Variants in CRACR2A observed in about 807,000 individuals in gnomAD.
The protein encoded by CRACR2A is calcium release activated channel regulator 2A, also known as EF-hand calcium-binding domain-containing protein 4B.
In CRACR2A, 79 loss-of-function variants were observed where a neutral mutation model predicts 90.5. The observed-to-expected ratio is 0.87, with a 90% confidence interval of 0.73 to 1.05. The LOEUF is 1.05. CRACR2A is among the 50% of genes least tolerant of loss of function. The pLI is 0.00. For missense variants in CRACR2A, 823 were observed against 897.2 expected (o/e 0.92, Z 1.06); for synonymous variants, 338 against 356.7 (o/e 0.95, Z 0.59).
At chr12:3,627,843 C>G in intron 15 of CRACR2A, 137 bp from the exon 16 acceptor site, 1 of 842,826 alleles carries the variant, frequency 1.2e-6, no homozygotes, top group South Asian at 1.6e-5. Context: ...TCGTGGGAGG[C>G]AAAATGGAGA....
At chr12:3,648,324 G>A (rs1944727734) in intron 11 of CRACR2A, 3 of 1,460,336 alleles carry the variant, frequency 2.1e-6, no homozygotes, top group Non-Finnish European at 1.8e-6. Context: ...CCCACCAGGA[G>A]GAATAAACTG....
chr12:3,740,997 CCTT>C (rs1200108541), intron 1 of CRACR2A, among the ~76,000 whole-genome samples: 3 of 152,226 alleles, frequency 2.0e-5, no homozygotes, highest in Non-Finnish European at 2.9e-5. Context: ...CACCCACCCT[CCTT>C]CTTCCTTTCT....
In CRACR2A at chr12:3,629,695, T is replaced by C. The variant is rs1944343782; in HGVS notation, c.1736-1989A>G. Reference sequence around the variant, plus strand: ...GCAGGGAGTGAGATGGGCAAAAGAGTGTGCTGGAAAAATGTTCTGTGCTGT... The same window carrying C: ...GCAGGGAGTGAGATGGGCAAAAGAGCGTGCTGGAAAAATGTTCTGTGCTGT... On this transcript the variant is annotated intron_variant, in intron 15 of 19. Coordinates refer to ENST00000440314, the MANE Select transcript of CRACR2A (RefSeq NM_001144958.2). Among the ~76,000 whole-genome samples the C allele has an allele frequency of 1.3e-5, 2 of 151,440 alleles. 1 individual carries two copies. The highest frequency in any genetic ancestry group is 4.2e-4 in the South Asian group (2 of 4,778).
chr12:3,716,676 T>C (rs1946088086), intron 2 of CRACR2A, among the ~76,000 whole-genome samples: 1 of 152,242 alleles, frequency 6.6e-6, no homozygotes, highest in Non-Finnish European at 1.5e-5. Flanking sequence ...ATGCTGATTT[T>C]TGGGGGGCAT....
chr12:3,626,817 T>C (rs1944271381), intron 17 of CRACR2A, among the ~76,000 whole-genome samples: 1 of 152,104 alleles, frequency 6.6e-6, no homozygotes, highest in Non-Finnish European at 1.5e-5. Flanking sequence ...ATCATAAACA[T>C]AGAGTCTCCC....
At chr12:3,716,821 T>C (rs1380433513) in intron 2 of CRACR2A, among the ~76,000 whole-genome samples, 1 of 152,244 alleles carries the variant, frequency 6.6e-6, no homozygotes, top group African/African-American at 2.4e-5. Context: ...CTTTTCAAAC[T>C]GATGTCTTTT....
chr12:3,728,464 T>G (rs1424890361), intron 2 of CRACR2A: 1 of 152,158 alleles, frequency 6.6e-6, no homozygotes, highest in Non-Finnish European at 1.5e-5. Flanking sequence ...AAACAGCACA[T>G]TACAAATCCA....
chr12:3,654,399 G>T lies in CRACR2A; in HGVS notation c.859C>A (p.Leu287Met). ...TGCAGGGCTGTGCACTGACCTTCCA[G>T]CTGCAAAGGAATGGGGAGCAGAGGG... is the stretch of plus-strand genomic sequence containing the variant. ...LEQLTQKQKR[L>M]EGQCTALHHD... The change falls in exon 10 of 20, where the codon CTG (leucine) becomes ATG (methionine). Residue 287 changes from leucine (L) to methionine (M), a missense_variant and splice_region_variant. Physicochemically the swap from Leu to Met is conservative, Grantham distance 15. Coordinates refer to ENST00000440314, the MANE Select transcript of CRACR2A (RefSeq NM_001144958.2). 6.3e-7 allele frequency: 1 copy of T among 1,581,356 alleles called. No individual in the cohort carries two copies. Among genetic ancestry groups the T allele is most frequent in the Non-Finnish European group, 8.6e-7 (1 of 1,165,516 alleles).
intron 17 of CRACR2A, among the ~76,000 whole-genome samples, chr12:3,621,555 G>A (rs918663596): frequency 4.1e-5 from 6 of 147,524 alleles, no homozygotes; most frequent in Non-Finnish European, 7.4e-5. Context: ...GGGAGGCTGA[G>A]GCAGAGAATT....
At chr12:3,648,025 CTCAT>C in intron 11 of CRACR2A, 3 of 986,350 alleles carry the variant, frequency 3.0e-6, no homozygotes, top group Non-Finnish European at 3.6e-6. Flanking sequence ...GATTCATTTA[CTCAT>C]TCAACAAACA....
rs1945289208 is a variant in CRACR2A, at chr12:3,673,511, G to A, written c.606C>T (p.Thr202=). The change falls in exon 7 of 20, where the codon ACC becomes ACT. Residue 202 remains threonine, a synonymous_variant. Coordinates refer to ENST00000440314, the MANE Select transcript of CRACR2A (RefSeq NM_001144958.2). ...CTTCTTGGAGCTGGGAGATGATTCT[G>A]GTCAGGAAGTCTTCAAAGTTGGACA... ...HLLSNFEDFL[T]RIISQLQEAH... 2 of 1,613,992 alleles carry A rather than the reference G, an allele frequency of 1.2e-6. No individual in the cohort carries two copies. The highest frequency in any genetic ancestry group is 1.7e-5 in the Admixed American group (1 of 60,002).
chr12:3,674,863 T>A (rs1008827606), intron 6 of CRACR2A, among the ~76,000 whole-genome samples: 2 of 152,250 alleles, frequency 1.3e-5, no homozygotes, highest in African/African-American at 4.8e-5. Context: ...TGTGTCTTAA[T>A]CTTTCAAGTT....
chr12:3,643,451 G>C (rs1944610068), intron 12 of CRACR2A, among the ~76,000 whole-genome samples: 1 of 152,008 alleles, frequency 6.6e-6, no homozygotes, highest in African/African-American at 2.4e-5. Flanking sequence ...CGGAGGTCAT[G>C]GTCCAAGGCA....
chr12:3,627,391 A>C (rs1222004780), intron 17 of CRACR2A, 45 bp downstream of exon 17: 2 of 1,403,070 alleles, frequency 1.4e-6, no homozygotes, highest in South Asian at 2.5e-5. Context: ...AGAAAAAAGA[A>C]GCCACAGTCA....
At position 3,658,976 on chromosome 12, in the gene CRACR2A, T is replaced by G. The variant is rs142465088; in HGVS notation, c.762+588A>C. Among the ~76,000 whole-genome samples, 536 of 152,274 alleles carry G rather than the reference T, an allele frequency of 3.5e-3. 1 individual carries two copies. Among genetic ancestry groups the G allele is most frequent in the Middle Eastern group, 0.01 (3 of 294 alleles). ...TCAGACCAGGAAGAGGGAAGGGAGTTACCACTTCCTCCGTGGTATCTGTGG... is the reference window on the plus strand; with the variant it reads ...TCAGACCAGGAAGAGGGAAGGGAGTGACCACTTCCTCCGTGGTATCTGTGG... On this transcript the variant is annotated intron_variant, in intron 8 of 19. Coordinates refer to ENST00000440314, the MANE Select transcript of CRACR2A (RefSeq NM_001144958.2).
chr12:3,635,984 TAAAG>T (rs965382802), intron 14 of CRACR2A, among the ~76,000 whole-genome samples: 4 of 152,254 alleles, frequency 2.6e-5, no homozygotes, highest in African/African-American at 9.6e-5. Context: ...TTTTAGTCAT[TAAAG>T]AGTTTTGAAA....
chr12:3,628,092 T>G (rs1423586119), intron 15 of CRACR2A, among the ~76,000 whole-genome samples: 1 of 127,768 alleles, frequency 7.8e-6, no homozygotes, highest in Non-Finnish European at 1.6e-5. Context: ...CTTCCCTCCC[T>G]CTCTCCTTCC....
At chr12:3,674,564 A>C (rs1018630365) in intron 6 of CRACR2A, among the ~76,000 whole-genome samples, 1 of 152,250 alleles carries the variant, frequency 6.6e-6, no homozygotes, top group Non-Finnish European at 1.5e-5. Context: ...CACAGCTAGC[A>C]GACAGTAGAG....
intron 1 of CRACR2A, among the ~76,000 whole-genome samples, chr12:3,738,843 G>A (rs896707233): frequency 2.0e-5 from 3 of 152,176 alleles, no homozygotes; most frequent in African/African-American, 7.2e-5. Context: ...CAAAGAGAGT[G>A]TCTTAAAAGC....
Sources: allele counts gnomAD v4.1 joint callset (sites outside exome capture counted in the v4.1 genomes callset), GRCh38; gene constraint gnomAD v4.1.1; transcripts MANE v1.5; gene names NCBI Gene and HGNC (gene_info 2026-07-23, HGNC 2026-07-21).